The following ALK variants were observed in gnomAD, a reference collection of about 807,000 sequenced individuals.
ALK encodes ALK tyrosine kinase receptor.
A neutral mutation model predicts 163.1 loss-of-function variants in ALK; 74 were observed. The observed-to-expected ratio is 0.45, with a 90% CI of 0.38 to 0.55. The LOEUF is 0.55. ALK is among the 20% of genes least tolerant of loss of function. The pLI is 0.00. For synonymous variants in ALK, 960 were observed against 843.2 expected, an observed-to-expected ratio of 1.14 and a Z score of -2.40; for missense variants, 2,063 against 2,105.3, an observed-to-expected ratio of 0.98 and a Z score of 0.39.
chr2:29,847,358 G>A (rs1289888547), intron 1 of ALK, among the ~76,000 whole-genome samples: 1 of 152,080 alleles, frequency 6.6e-6, no homozygotes, highest in Non-Finnish European at 1.5e-5. Flanking sequence ...ACTGCCTGAG[G>A]CCCAAGGAGT....
chr2:29,919,812 G>A (rs998245314), intron 1 of ALK, among the ~76,000 whole-genome samples, 181 bp downstream of exon 1: 11 of 152,204 alleles, frequency 7.2e-5, no homozygotes, highest in African/African-American at 1.7e-4. Context: ...CCTGAACTGC[G>A]TTCAGGGAGA....
chr2:29,876,830 G>A (rs1469677425), intron 1 of ALK, among the ~76,000 whole-genome samples: 1 of 151,698 alleles, frequency 6.6e-6, no homozygotes, highest in Non-Finnish European at 1.5e-5. Context: ...TGAAGGTGAA[G>A]ATGACAATAA....
intron 5 of ALK, among the ~76,000 whole-genome samples, chr2:29,332,300 A>AT (rs1667467311): frequency 1.5e-5 from 2 of 135,754 alleles, no homozygotes; most frequent in South Asian, 4.9e-4. Context: ...AAAAAAAAAA[A>AT]AAAAAAAAAA....
intron 4 of ALK, among the ~76,000 whole-genome samples, chr2:29,441,985 A>T (rs929324789): frequency 2.0e-5 from 3 of 152,190 alleles, no homozygotes; most frequent in African/African-American, 7.2e-5. Flanking sequence ...ATTAACACTA[A>T]TTGAGAAGCA....
chr2:29,479,753 T>C (rs1182004877), intron 4 of ALK, among the ~76,000 whole-genome samples: 1 of 152,120 alleles, frequency 6.6e-6, no homozygotes, highest in East Asian at 1.9e-4. Context: ...GGTCCTTTGC[T>C]CTCCTACCAC....
chr2:29,595,142 C>T (rs1200132387), intron 3 of ALK, among the ~76,000 whole-genome samples: 1 of 152,138 alleles, frequency 6.6e-6, no homozygotes, highest in African/African-American at 2.4e-5. Context: ...GCATTACACA[C>T]AGCTTAATAT....
chr2:29,717,067 G>A (rs557044345), intron 2 of ALK, among the ~76,000 whole-genome samples: 6 of 150,932 alleles, frequency 4.0e-5, no homozygotes, highest in African/African-American at 1.5e-4. Flanking sequence ...AGCTACTCGG[G>A]AGGCTGAGGC....
intron 19 of ALK, chr2:29,224,713 C>T (rs892648872): frequency 3.7e-5 from 8 of 217,754 alleles, no homozygotes; most frequent in Non-Finnish European, 6.5e-5. Flanking sequence ...TGTAAATTGC[C>T]GAGCACGTAG....
At chr2:29,823,961 C>A (rs972384605) in intron 1 of ALK, among the ~76,000 whole-genome samples, 16 of 152,196 alleles carry the variant, frequency 1.1e-4, no homozygotes, top group African/African-American at 3.9e-4. Context: ...CTCCCCCCAT[C>A]ACAGGCCCAG....
At chr2:29,857,429 T>G (rs1457202152) in intron 1 of ALK, among the ~76,000 whole-genome samples, 1 of 152,016 alleles carries the variant, frequency 6.6e-6, no homozygotes, top group East Asian at 1.9e-4. Context: ...TACAAACCAA[T>G]GAGATGATCC....
At chr2:29,209,963 C>T (rs1669420798) in intron 24 of ALK, 85 bp from the exon 25 acceptor site, 6 of 1,094,434 alleles carry the variant, frequency 5.5e-6, no homozygotes, top group Non-Finnish European at 1.4e-6. Flanking sequence ...TATCTCCAAG[C>T]TGAAGTTTAA....
At chr2:29,643,900 A>G (rs527572785) in intron 3 of ALK, among the ~76,000 whole-genome samples, 29 of 152,286 alleles carry the variant, frequency 1.9e-4, no homozygotes, top group African/African-American at 7.0e-4. Flanking sequence ...ATTACTGGGT[A>G]TATACCTGAG....
intron 11 of ALK, among the ~76,000 whole-genome samples, chr2:29,262,848 G>C (rs575355787): frequency 1.3e-5 from 2 of 152,214 alleles, no homozygotes; most frequent in Admixed American, 1.3e-4. Flanking sequence ...TGGCTCCTGT[G>C]ATGGCTGCTG....
chr2:29,543,433 G>T (rs564713428), intron 3 of ALK, among the ~76,000 whole-genome samples: 1 of 152,166 alleles, frequency 6.6e-6, no homozygotes, highest in Non-Finnish European at 1.5e-5. Context: ...CATTTTGCAG[G>T]TGACTGCTTC....
At chr2:29,882,852 G>A (rs932649825) in intron 1 of ALK, among the ~76,000 whole-genome samples, 7 of 152,230 alleles carry the variant, frequency 4.6e-5, no homozygotes, top group South Asian at 2.1e-4. Flanking sequence ...TTTTAGTGAT[G>A]TGTATCCCAA....
chr2:29,242,617 T>G (rs1664552697), intron 12 of ALK, among the ~76,000 whole-genome samples: 1 of 152,156 alleles, frequency 6.6e-6, no homozygotes, highest in South Asian at 2.1e-4. Context: ...GGGCTCCAAG[T>G]CATCTGCTGG....
intron 8 of ALK, among the ~76,000 whole-genome samples, chr2:29,304,552 A>G (rs1430058512): frequency 6.6e-6 from 1 of 152,056 alleles, no homozygotes; most frequent in East Asian, 1.9e-4. Flanking sequence ...CCTGATGCCA[A>G]ATCCCTGTCC....
At chr2:29,706,670 T>TGG (rs1279731404) in intron 2 of ALK, among the ~76,000 whole-genome samples, 6 of 152,082 alleles carry the variant, frequency 3.9e-5, no homozygotes, top group African/African-American at 1.4e-4. Flanking sequence ...CACACTGCAG[T>TGG]GGGAGATACA....
intron 2 of ALK, among the ~76,000 whole-genome samples, chr2:29,713,797 T>G (rs1053532424): frequency 6.6e-6 from 1 of 151,958 alleles, no homozygotes. Context: ...TAATACAACT[T>G]AAATGAGAAA....
Sources: gnomAD v4.1 joint callset for allele counts (sites outside exome capture counted in the v4.1 genomes callset) on GRCh38, gnomAD v4.1.1 for gene constraint, MANE v1.5 for transcripts, NCBI Gene and HGNC (gene_info 2026-07-23, HGNC 2026-07-21) for gene names.